Variants in VNN2 observed in about 807,000 individuals in gnomAD.
The protein encoded by VNN2 is vanin 2.
VNN2 carries 43 observed loss-of-function variants against 43.0 expected under a neutral mutation model. The ratio of observed to expected loss-of-function variants is 1.00; its 90% confidence interval spans 0.78 to 1.29. The LOEUF (loss-of-function observed/expected upper bound fraction) is 1.29, where lower values mean the gene tolerates loss of function less well. Among genes scored for constraint, VNN2 ranks in the 50% most tolerant of loss-of-function variants. VNN2 has a pLI of 0.00. For missense variants in VNN2, 652 were observed against 619.7 expected (o/e 1.05, Z -0.55); for synonymous variants, 230 against 224.3 (o/e 1.03, Z -0.23).
At chr6:132,761,608 C>T (rs936679080), upstream of VNN2, among the ~76,000 whole-genome samples, 6 of 151,948 alleles carry the variant, frequency 3.9e-5, no homozygotes, top group African/African-American at 9.7e-5. Flanking sequence ...TGCAGTGAGC[C>T]GAGATAGCAC....
chr6:132,748,336 G>A (rs1005950267), intron 6 of VNN2, among the ~76,000 whole-genome samples: 1 of 152,232 alleles, frequency 6.6e-6, no homozygotes, highest in Middle Eastern at 3.4e-3. Context: ...GCCTAAACAG[G>A]TTCTATGGCA....
intron 5 of VNN2, among the ~76,000 whole-genome samples, chr6:132,750,138 G>A (rs1779969691): frequency 6.6e-6 from 1 of 152,152 alleles, no homozygotes; most frequent in Admixed American, 6.5e-5. Flanking sequence ...ATGGCATCGA[G>A]CTCAATGAAG....
At chr6:132,750,762 T>C (rs970976145) in intron 5 of VNN2, among the ~76,000 whole-genome samples, 16 of 151,980 alleles carry the variant, frequency 1.1e-4, no homozygotes, top group Non-Finnish European at 1.9e-4. Flanking sequence ...AGTATCTCTA[T>C]TTACTGTTAG....
upstream of VNN2, chr6:132,757,952 T>C: frequency 7.6e-7 from 1 of 1,307,258 alleles, no homozygotes. Flanking sequence ...GGAGAATGTT[T>C]GCATAACATG....
In VNN2 at chr6:132,752,890, G is replaced by A; in HGVS notation, c.538-141C>T. 6 of 869,648 alleles carry A rather than the reference G, an allele frequency of 6.9e-6. No individual in the cohort carries two copies. In the South Asian group the frequency reaches 1.1e-4, roughly 16 times the overall value. 53.9% of individuals were successfully genotyped at this position (869,648 alleles called of 1,614,324 possible). The stretch of plus-strand genomic sequence containing the variant: ...AGGAAGCGGATAAATCTGGCAATTG[G>A]AAGTAAATTTCTAAGGAAAATGTGG... On this transcript the variant is annotated intron_variant, in intron 3 of 6. Transcript: ENST00000326499.
Position 132,744,247 on chromosome 6 carries a change from T to TA in VNN2, c.*52dup. ...TTTCTTAGTAAACTTGGGAAGCCGATAAACACATTCAGCCAAGCATATGAT... is the reference window on the plus strand; with the variant it reads ...TTTCTTAGTAAACTTGGGAAGCCGATAAAACACATTCAGCCAAGCATATGAT... On this transcript the variant is annotated 3_prime_UTR_variant, in exon 7 of 7. Coordinates refer to ENST00000326499, the MANE Select transcript of VNN2 (RefSeq NM_004665.6). 6.5e-7 allele frequency: 1 copy of TA among 1,534,760 alleles called. No homozygotes were observed. Among genetic ancestry groups the TA allele is most frequent in the Non-Finnish European group, 8.8e-7 (1 of 1,138,718 alleles).
chr6:132,751,840 C>T (rs1780125645), intron 4 of VNN2, among the ~76,000 whole-genome samples: 1 of 152,162 alleles, frequency 6.6e-6, no homozygotes, highest in African/African-American at 2.4e-5. Context: ...TAAAAATTCT[C>T]CCCTATTCCT....
intron 6 of VNN2, among the ~76,000 whole-genome samples, chr6:132,746,336 C>T (rs529938840): frequency 2.0e-4 from 31 of 152,282 alleles, no homozygotes; most frequent in Non-Finnish European, 4.3e-4. Flanking sequence ...TCTAAGATAA[C>T]GTGTAAATAT....
At chr6:132,756,069 TA>T in intron 2 of VNN2, 34 bp from the exon 3 acceptor site, 3 of 1,493,752 alleles carry the variant, frequency 2.0e-6, no homozygotes, top group Non-Finnish European at 2.7e-6. Flanking sequence ...ATTTCAATTT[TA>T]AAAAAATATT....
At chr6:132,756,555 CT>C (rs34174108) in intron 2 of VNN2, among the ~76,000 whole-genome samples, 5,325 of 152,248 alleles carry the variant, frequency 0.035, 315 homozygotes, top group African/African-American at 0.12. Flanking sequence ...CTCATCTTAA[CT>C]TTTCAACAGC....
upstream of VNN2, among the ~76,000 whole-genome samples, chr6:132,759,170 C>G (rs150537458): frequency 3.3e-3 from 495 of 152,236 alleles, 7 homozygotes; most frequent in African/African-American, 0.011. Flanking sequence ...GGTGCAGTGG[C>G]TCATGCCTGT....
intron 2 of VNN2, 102 bp downstream of exon 2, chr6:132,757,314 T>C (rs1562252396): frequency 1.6e-5 from 22 of 1,358,886 alleles, no homozygotes; most frequent in Non-Finnish European, 2.2e-5. Flanking sequence ...AACCATAACA[T>C]ATACCACATA....
intron 2 of VNN2, among the ~76,000 whole-genome samples, chr6:132,756,640 A>G (rs1582836162): frequency 1.3e-5 from 2 of 151,986 alleles, no homozygotes; most frequent in African/African-American, 4.8e-5. Flanking sequence ...TCATTTTCCT[A>G]TTTATTGGTT....
At chr6:132,753,312 A>T in intron 3 of VNN2, 1 of 305,206 alleles carries the variant, frequency 3.3e-6, no homozygotes, top group Non-Finnish European at 6.5e-6. Context: ...GGAATGAACC[A>T]CAGCACCTGG....
At chr6:132,753,433 G>C in intron 3 of VNN2, 1 of 443,230 alleles carries the variant, frequency 2.3e-6, no homozygotes, top group Non-Finnish European at 4.5e-6. Context: ...AGTCAGGTGA[G>C]AGATGTCATC....
chr6:132,756,343 C>A (rs1216505952), intron 2 of VNN2, among the ~76,000 whole-genome samples: 7 of 152,152 alleles, frequency 4.6e-5, no homozygotes, highest in Non-Finnish European at 1.0e-4. Flanking sequence ...AAAATTAAAA[C>A]CTCTTTTGAC....
chr6:132,760,618 G>C (rs1780716128), upstream of VNN2: 1 of 151,362 alleles, frequency 6.6e-6, no homozygotes, highest in Non-Finnish European at 1.5e-5. Context: ...AGTACAATTT[G>C]GGCCATGACC....
intron 3 of VNN2, 131 bp from the exon 4 acceptor site, chr6:132,752,880 C>T (rs1780210425): frequency 2.0e-6 from 2 of 988,776 alleles, no homozygotes; most frequent in Non-Finnish European, 2.9e-6. Flanking sequence ...GCGGATAAAT[C>T]TGGCAATTGG....
upstream of VNN2, among the ~76,000 whole-genome samples, chr6:132,759,450 A>C (rs1036582778): frequency 2.0e-5 from 3 of 151,210 alleles, no homozygotes; most frequent in East Asian, 5.8e-4. Flanking sequence ...AAAAAAAAAA[A>C]AAAAAAAAAA....
Sources: allele counts gnomAD v4.1 joint callset (sites outside exome capture counted in the v4.1 genomes callset), GRCh38; gene constraint gnomAD v4.1.1; transcripts MANE v1.5; gene names NCBI Gene and HGNC (gene_info 2026-07-23, HGNC 2026-07-21).